The following DLGAP2 variants were observed in gnomAD, a reference collection of about 807,000 sequenced individuals.
The protein encoded by DLGAP2 is disks large-associated protein 2.
Under a neutral mutation model 100.3 loss-of-function variants are expected in DLGAP2, and 26 were observed. The ratio of observed to expected loss-of-function variants is 0.26; its 90% confidence interval spans 0.19 to 0.36. DLGAP2 has a LOEUF of 0.36. DLGAP2 is among the 10% of genes least tolerant of loss of function. The pLI is 1.00. For synonymous variants in DLGAP2, 886 were observed against 630.1 expected (o/e 1.41, Z -6.08); for missense variants, 1,858 against 1,453.2 (o/e 1.28, Z -4.53).
chr8:1,409,852 C>T (rs1359477786), intron 3 of DLGAP2, among the ~76,000 whole-genome samples: 2 of 152,184 alleles, frequency 1.3e-5, no homozygotes, highest in African/African-American at 2.4e-5. Context: ...CACCAGCAGC[C>T]CCTCAGTGCC....
At chr8:1,514,266 T>G (rs1800281252) in intron 4 of DLGAP2, among the ~76,000 whole-genome samples, 1 of 152,236 alleles carries the variant, frequency 6.6e-6, no homozygotes, top group African/African-American at 2.4e-5. Context: ...CAACTCTCAT[T>G]TTTTCTTATG....
intron 2 of DLGAP2, among the ~76,000 whole-genome samples, chr8:1,216,865 C>T (rs1175186874): frequency 6.6e-6 from 1 of 152,120 alleles, no homozygotes; most frequent in Non-Finnish European, 1.5e-5. Context: ...AAGTAATTTA[C>T]AAATCAAGGT....
At chr8:1,483,749 C>T (rs1197830716) in intron 3 of DLGAP2, among the ~76,000 whole-genome samples, 9 of 151,408 alleles carry the variant, frequency 5.9e-5, no homozygotes, top group African/African-American at 2.2e-4. Context: ...ATGTGGGGAC[C>T]AGGGAGGCAT....
chr8:890,667 C>G (rs972528007), intron 1 of DLGAP2, among the ~76,000 whole-genome samples: 1 of 152,024 alleles, frequency 6.6e-6, no homozygotes, highest in African/African-American at 2.4e-5. Context: ...CCTCACCCAC[C>G]CGGTGCCACC....
chr8:1,267,637 G>GAAATAAAATAAAATCAAA (rs1382093781), intron 3 of DLGAP2, among the ~76,000 whole-genome samples: 6,761 of 91,500 alleles, frequency 0.074, 755 homozygotes, highest in East Asian at 0.1. Flanking sequence ...TATTAAATAG[G>GAAATAAAATAAAATCAAA]TCTACAAAAA....
rs574092606 is a variant in DLGAP2, at chr8:1,160,081, C to T, written c.74-98770C>T. 2.0e-5 allele frequency among the ~76,000 whole-genome samples: 3 copies of T among 152,374 alleles called. No individual in the cohort carries two copies. In the South Asian group the frequency reaches 6.2e-4, roughly 32 times the overall value. On this transcript the variant is annotated intron_variant, in intron 2 of 14. Transcript: ENST00000637795. ...CCACGGCACCTCACAGGCGGAACTTCCATCTCCCACAGCCCGGAAGCTGAC... is the reference window on the plus strand; with the variant it reads ...CCACGGCACCTCACAGGCGGAACTTTCATCTCCCACAGCCCGGAAGCTGAC...
At chr8:1,243,427 CCT>C (rs1798840711) in intron 2 of DLGAP2, among the ~76,000 whole-genome samples, 1 of 152,194 alleles carries the variant, frequency 6.6e-6, no homozygotes, top group Non-Finnish European at 1.5e-5. Context: ...TGGCCTGCAC[CCT>C]CTGTCATCTG....
intron 3 of DLGAP2, among the ~76,000 whole-genome samples, chr8:1,450,541 A>G (rs1382094253): frequency 1.3e-5 from 2 of 151,716 alleles, no homozygotes; most frequent in Admixed American, 6.6e-5. Context: ...TCCATAATTA[A>G]GGCACTGCGG....
At chr8:1,271,073 C>T (rs896713485) in intron 3 of DLGAP2, among the ~76,000 whole-genome samples, 3 of 152,128 alleles carry the variant, frequency 2.0e-5, no homozygotes, top group African/African-American at 7.2e-5. Flanking sequence ...CCCACGTCTT[C>T]ATGAAATAAG....
chr8:1,552,907 A>G (rs920982805), intron 5 of DLGAP2, among the ~76,000 whole-genome samples: 2 of 152,198 alleles, frequency 1.3e-5, no homozygotes, highest in Middle Eastern at 3.2e-3. Flanking sequence ...ATTCTTTCAC[A>G]AAGCTCTTGT....
chr8:1,540,685 G>A (rs899955831), intron 4 of DLGAP2, among the ~76,000 whole-genome samples: 2 of 152,208 alleles, frequency 1.3e-5, no homozygotes, highest in Non-Finnish European at 2.9e-5. Context: ...CTTACCCCAC[G>A]GAGGGGGCAT....
In DLGAP2 at chr8:1,647,488, C is replaced by CAAAAAAAAAA. The variant is rs567451595; in HGVS notation, c.1810+14471_1810+14480dup. On this transcript the variant is annotated intron_variant, in intron 8 of 14. Transcript: ENST00000637795. Reference sequence around the variant, plus strand: ...TGGGAGACAGAGAGAGACTCTGTCTCAAAAAAAAAAAAAAAAAAAAAAAAA... The same window carrying CAAAAAAAAAA: ...TGGGAGACAGAGAGAGACTCTGTCTCAAAAAAAAAAAAAAAAAAAAAAAAAAAAAAAAAAA... Among the ~76,000 whole-genome samples, 16 of 44,982 alleles carry CAAAAAAAAAA rather than the reference C, an allele frequency of 3.6e-4. 3 individuals are homozygous for CAAAAAAAAAA. Among genetic ancestry groups the CAAAAAAAAAA allele is most frequent in the Non-Finnish European group, 6.4e-4 (11 of 17,214 alleles). 29.5% of individuals were successfully genotyped at this position (44,982 alleles called of 152,430 possible). A position where few individuals can be genotyped will look rare whatever the true frequency, so the allele number is the denominator to read the frequency against.
At chr8:1,487,713 C>G (rs953091729) in intron 3 of DLGAP2, among the ~76,000 whole-genome samples, 3 of 152,202 alleles carry the variant, frequency 2.0e-5, no homozygotes, top group Admixed American at 1.3e-4. Flanking sequence ...AGCCCGCAGG[C>G]CAGGTCCCAC....
At chr8:1,306,793 G>T (rs1415988075) in intron 3 of DLGAP2, among the ~76,000 whole-genome samples, 1 of 152,160 alleles carries the variant, frequency 6.6e-6, no homozygotes, top group East Asian at 1.9e-4. Flanking sequence ...CCATTCAATG[G>T]AGAAGGAACA....
intron 2 of DLGAP2, among the ~76,000 whole-genome samples, chr8:1,234,223 A>G (rs1451835605): frequency 6.6e-6 from 1 of 152,192 alleles, no homozygotes; most frequent in African/African-American, 2.4e-5. Context: ...GACTTCTGTA[A>G]CCAGTGGCAC....
At chr8:903,144 G>C (rs1452671347) in intron 1 of DLGAP2, among the ~76,000 whole-genome samples, 2 of 151,986 alleles carry the variant, frequency 1.3e-5, no homozygotes, top group Non-Finnish European at 2.9e-5. Context: ...TCGCCTCCAT[G>C]CTCTTTAATC....
chr8:1,339,152 C>G (rs1801361316), intron 3 of DLGAP2, among the ~76,000 whole-genome samples: 1 of 148,244 alleles, frequency 6.7e-6, no homozygotes, highest in South Asian at 2.2e-4. Context: ...GCATCAGGAC[C>G]CGGGAGGGAA....
At chr8:1,384,365 C>T (rs1796166972) in intron 3 of DLGAP2, among the ~76,000 whole-genome samples, 4 of 147,452 alleles carry the variant, frequency 2.7e-5, no homozygotes. Context: ...ACTTGGTGCA[C>T]AGTTACCCCG....
At chr8:1,032,371 G>T (rs931044829) in intron 2 of DLGAP2, among the ~76,000 whole-genome samples, 4 of 152,210 alleles carry the variant, frequency 2.6e-5, no homozygotes, top group Non-Finnish European at 5.9e-5. Context: ...GCAGGACCTG[G>T]CTCCCAGCGA....
Sources: allele counts gnomAD v4.1 joint callset (sites outside exome capture counted in the v4.1 genomes callset), GRCh38; gene constraint gnomAD v4.1.1; transcripts MANE v1.5; gene names NCBI Gene and HGNC (gene_info 2026-07-23, HGNC 2026-07-21).